The following PTPRG variants were observed in gnomAD, a reference collection of about 807,000 sequenced individuals.
The protein encoded by PTPRG is receptor-type tyrosine-protein phosphatase gamma.
PTPRG carries 102 observed loss-of-function variants against 165.3 expected under a neutral mutation model. That is an observed-to-expected ratio of 0.62 (90% confidence interval 0.53 to 0.73). PTPRG has a LOEUF of 0.73. Ranked by LOEUF, PTPRG falls within the 30% of genes least tolerant of loss-of-function variation. The pLI is 0.00. For synonymous variants in PTPRG, 675 were observed against 669.5 expected, an observed-to-expected ratio of 1.01 and a Z score of -0.13; for missense variants, 1,866 against 1,861.4, an observed-to-expected ratio of 1.00 and a Z score of -0.05.
chr3:61,726,770 G>A lies in PTPRG; in HGVS notation c.86-22108G>A, dbSNP rs948415650. ...CCAACTTATTAAGATTGAATTGGCC[G>A]GGTGCGGTGGCTCACGCCTGTAATC... On this transcript the variant is annotated intron_variant, in intron 1 of 29. Transcript: ENST00000474889. Among the ~76,000 whole-genome samples, 10 of 152,152 alleles carry A rather than the reference G, an allele frequency of 6.6e-5. No individual in the cohort carries two copies. In the East Asian group the frequency reaches 9.7e-4, roughly 15 times the overall value.
chr3:62,291,842 G>A (rs929530355), intron 28 of PTPRG, among the ~76,000 whole-genome samples: 6 of 152,142 alleles, frequency 3.9e-5, no homozygotes, highest in African/African-American at 2.4e-5. Context: ...GAGGCAAAGA[G>A]AACCACATTT....
At chr3:62,263,042 G>T in intron 17 of PTPRG, 148 bp downstream of exon 17, 1 of 598,568 alleles carries the variant, frequency 1.7e-6, no homozygotes. Flanking sequence ...CTTCAACAGT[G>T]TAGAAGTTGG....
chr3:61,562,996 A>G (rs1699802349), intron 1 of PTPRG, among the ~76,000 whole-genome samples: 1 of 151,892 alleles, frequency 6.6e-6, no homozygotes, highest in African/African-American at 2.4e-5. Flanking sequence ...TGCCGGCGTG[A>G]GGCAGCCTCC....
intron 2 of PTPRG, among the ~76,000 whole-genome samples, chr3:61,930,101 T>G (rs1199635956): frequency 6.6e-6 from 1 of 151,978 alleles, no homozygotes; most frequent in Non-Finnish European, 1.5e-5. Context: ...AAGATCTGGT[T>G]GACAATTGCC....
intron 1 of PTPRG, among the ~76,000 whole-genome samples, chr3:61,626,143 G>C (rs1701603304): frequency 6.6e-6 from 1 of 151,908 alleles, no homozygotes; most frequent in Non-Finnish European, 1.5e-5. Context: ...CAAGTGTAAG[G>C]TAAAATTGAT....
chr3:62,063,071 G>A (rs894684745), intron 4 of PTPRG, among the ~76,000 whole-genome samples: 1 of 152,166 alleles, frequency 6.6e-6, no homozygotes, highest in South Asian at 2.1e-4. Flanking sequence ...GTATGTAAAA[G>A]CATCATCTCA....
intron 2 of PTPRG, among the ~76,000 whole-genome samples, chr3:61,802,440 T>G (rs1472061048): frequency 6.6e-6 from 1 of 152,180 alleles, no homozygotes; most frequent in Non-Finnish European, 1.5e-5. Flanking sequence ...TTAGATATGT[T>G]AGAGGAAAGG....
At chr3:62,080,997 C>A (rs1320620382) in intron 5 of PTPRG, among the ~76,000 whole-genome samples, 1 of 152,070 alleles carries the variant, frequency 6.6e-6, no homozygotes, top group African/African-American at 2.4e-5. Context: ...GTGGCTCACA[C>A]CTGTAATCCC....
At chr3:61,717,034 GTTTC>G (rs1233355920) in intron 1 of PTPRG, among the ~76,000 whole-genome samples, 1 of 152,144 alleles carries the variant, frequency 6.6e-6, no homozygotes, top group Non-Finnish European at 1.5e-5. Flanking sequence ...ATGGTGACTT[GTTTC>G]TTTGTCTTAA....
chr3:62,116,873 T>C (rs1282009199), intron 5 of PTPRG, among the ~76,000 whole-genome samples: 1 of 152,216 alleles, frequency 6.6e-6, no homozygotes, highest in Non-Finnish European at 1.5e-5. Context: ...TGTTTCCTAA[T>C]GAGACTTCTT....
At chr3:61,762,291 A>G (rs1245995851) in intron 2 of PTPRG, among the ~76,000 whole-genome samples, 4 of 152,144 alleles carry the variant, frequency 2.6e-5, no homozygotes, top group Non-Finnish European at 4.4e-5. Context: ...ACTCAAGGCC[A>G]ATTGAGCTGC....
chr3:61,741,677 T>G (rs967858425), intron 1 of PTPRG, among the ~76,000 whole-genome samples: 1 of 152,204 alleles, frequency 6.6e-6, no homozygotes, highest in African/African-American at 2.4e-5. Context: ...CACTTTTCCC[T>G]GTAGGAGATA....
rs1468618663 is a variant in PTPRG, at chr3:62,255,743, T to TAA, written c.2559+529_2559+530dup. ...TAACGTCGTTGGAAAAATAAATGAT[T>TAA]AACATCTTTAAAAGTGCCAAGTTCA... On this transcript the variant is annotated intron_variant, in intron 16 of 29. Transcript: ENST00000474889. The surrounding 1 kb of genome is among the most constrained non-coding windows in gnomAD (Gnocchi z 4.0). Among the ~76,000 whole-genome samples the TAA allele has an allele frequency of 6.6e-6, 1 of 152,188 alleles. No individual in the cohort carries two copies. Among genetic ancestry groups the TAA allele is most frequent in the Non-Finnish European group, 1.5e-5 (1 of 68,040 alleles).
At chr3:62,131,887 A>G (rs1390657797) in intron 5 of PTPRG, among the ~76,000 whole-genome samples, 2 of 152,214 alleles carry the variant, frequency 1.3e-5, no homozygotes, top group African/African-American at 4.8e-5. Flanking sequence ...GTCTAAAAGA[A>G]AATACTTGAA....
chr3:61,693,387 A>G (rs2030351069), intron 1 of PTPRG, among the ~76,000 whole-genome samples: 1 of 152,186 alleles, frequency 6.6e-6, no homozygotes, highest in African/African-American at 2.4e-5. Flanking sequence ...TTTTTCTAAT[A>G]TATTCTGAAC....
intron 2 of PTPRG, among the ~76,000 whole-genome samples, chr3:61,751,737 TC>T (rs2033437157): frequency 6.6e-6 from 1 of 152,104 alleles, no homozygotes; most frequent in East Asian, 1.9e-4. Flanking sequence ...ACGCCTGTAA[TC>T]CCAGCACTTT....
At chr3:62,035,081 T>G (rs1481928357) in intron 4 of PTPRG, among the ~76,000 whole-genome samples, 1 of 151,972 alleles carries the variant, frequency 6.6e-6, no homozygotes, top group Non-Finnish European at 1.5e-5. Flanking sequence ...CTCTGCTAGA[T>G]CAGGGAATGG....
chr3:62,123,326 G>A (rs1338900468), intron 5 of PTPRG, among the ~76,000 whole-genome samples: 2 of 152,172 alleles, frequency 1.3e-5, no homozygotes, highest in Admixed American at 6.5e-5. Flanking sequence ...GCTCACTGTA[G>A]CCACTAACTC....
In PTPRG at chr3:62,157,087, C is replaced by T. The variant is rs759703682; in HGVS notation, c.703C>T (p.Pro235Ser). The T allele has an allele frequency of 3.7e-6, 6 of 1,607,802 alleles. No homozygotes were observed. The highest frequency in any genetic ancestry group is 2.2e-5 in the East Asian group (1 of 44,840). ...AACAGAGAAGGAGACCTTTCTGGAT[C>T]CTTTCGTCCTCCGGGACCTCCTGCC... Reference protein sequence around the residue: ...VHHEKETFLDPFVLRDLLPAS... With the variant: ...VHHEKETFLDSFVLRDLLPAS... The change falls in exon 7 of 30, where the codon CCT becomes TCT. Residue 235 changes from proline to serine, a missense_variant. Transcript: ENST00000474889.
Sources: gnomAD v4.1 joint callset for allele counts (sites outside exome capture counted in the v4.1 genomes callset) on GRCh38, gnomAD v4.1.1 for gene constraint, Gnocchi (gnomAD v3.1) non-coding constraint, MANE v1.5 for transcripts, NCBI Gene and HGNC (gene_info 2026-07-23, HGNC 2026-07-21) for gene names.